The following CAMK1D variants were observed in gnomAD, a reference collection of about 807,000 sequenced individuals.
The protein encoded by CAMK1D is calcium/calmodulin dependent protein kinase ID.
A neutral mutation model predicts 47.7 loss-of-function variants in CAMK1D; 9 were observed. The ratio of observed to expected loss-of-function variants is 0.19; its 90% CI spans 0.11 to 0.33. The LOEUF (loss-of-function observed/expected upper bound fraction) is 0.33. Ranked by LOEUF, CAMK1D falls within the 10% of genes least tolerant of loss-of-function variation. The pLI is 1.00. For missense variants in CAMK1D, 291 were observed against 488.7 expected, an observed-to-expected ratio of 0.60 and a Z score of 3.81; for synonymous variants, 184 against 184.9, an observed-to-expected ratio of 0.99 and a Z score of 0.04.
At chr10:12,543,642 C>T (rs1836270764) in intron 1 of CAMK1D, among the ~76,000 whole-genome samples, 1 of 152,176 alleles carries the variant, frequency 6.6e-6, no homozygotes, top group Non-Finnish European at 1.5e-5. Context: ...AACCAGTTCA[C>T]AAACCCTTCA....
intron 5 of CAMK1D, among the ~76,000 whole-genome samples, chr10:12,771,462 G>T (rs1048250702): frequency 6.6e-5 from 10 of 152,224 alleles, no homozygotes; most frequent in Non-Finnish European, 1.3e-4. Context: ...GGCCTTTCAG[G>T]TCCTTGCATA....
chr10:12,505,915 A>G (rs1400420127), intron 1 of CAMK1D, among the ~76,000 whole-genome samples: 1 of 152,182 alleles, frequency 6.6e-6, no homozygotes, highest in East Asian at 1.9e-4. Flanking sequence ...TCACATGTCA[A>G]TGGAAATCTA....
chr10:12,365,768 C>T (rs1837814022), intron 1 of CAMK1D, among the ~76,000 whole-genome samples: 1 of 151,518 alleles, frequency 6.6e-6, no homozygotes, highest in African/African-American at 2.4e-5. Context: ...ATGTTTCCTT[C>T]TGTGCTGGCT....
intron 2 of CAMK1D, among the ~76,000 whole-genome samples, chr10:12,663,281 C>T (rs540156637): frequency 6.6e-6 from 1 of 152,034 alleles, no homozygotes; most frequent in South Asian, 2.1e-4. Context: ...TATTTAATAC[C>T]GTATTCATGA....
In CAMK1D at chr10:12,569,643, C is replaced by T. The variant is rs991935785; in HGVS notation, c.224+16287C>T. Among the ~76,000 whole-genome samples, 6 of 133,590 alleles carry T rather than the reference C, an allele frequency of 4.5e-5. No individual in the cohort carries two copies. The East Asian group carries it at 7.0e-4, about 15-fold the overall frequency. The allele number at this position is 133,590 out of a possible 152,430, so 87.6% of individuals were successfully genotyped here. On this transcript the variant is annotated intron_variant, in intron 2 of 10. Transcript: ENST00000619168. ...CTGAGGCAGGAGAATGGCGTGAACC[C>T]GGGAGGTGGAGCTTGCAGTGAGCCG...
At chr10:12,740,779 A>G (rs904141445) in intron 3 of CAMK1D, among the ~76,000 whole-genome samples, 3 of 152,184 alleles carry the variant, frequency 2.0e-5, no homozygotes, top group South Asian at 2.1e-4. Context: ...TTTTTTTTGC[A>G]TAGGACAACA....
intron 3 of CAMK1D, among the ~76,000 whole-genome samples, chr10:12,720,583 C>T (rs1337556913): frequency 6.6e-6 from 1 of 152,226 alleles, no homozygotes; most frequent in Non-Finnish European, 1.5e-5. Flanking sequence ...ATTCTCTAAT[C>T]TTAGCTAAGC....
chr10:12,621,381 T>C (rs1838992034), intron 2 of CAMK1D, among the ~76,000 whole-genome samples: 1 of 152,214 alleles, frequency 6.6e-6, no homozygotes, highest in Admixed American at 6.5e-5. Flanking sequence ...TTTACTATGT[T>C]GAGTCTTTGA....
intron 3 of CAMK1D, among the ~76,000 whole-genome samples, chr10:12,751,661 C>G (rs1835992331): frequency 6.6e-6 from 1 of 152,190 alleles, no homozygotes; most frequent in South Asian, 2.1e-4. Flanking sequence ...GGGGTCTCAT[C>G]TGGTCTAGGG....
At chr10:12,590,869 A>G (rs914164162) in intron 2 of CAMK1D, among the ~76,000 whole-genome samples, 3 of 152,344 alleles carry the variant, frequency 2.0e-5, no homozygotes, top group East Asian at 3.9e-4. Flanking sequence ...CTGGTGACAC[A>G]TGAACCAGCC....
intron 2 of CAMK1D, among the ~76,000 whole-genome samples, chr10:12,561,044 G>T (rs1279229953): frequency 6.6e-6 from 1 of 151,908 alleles, no homozygotes; most frequent in East Asian, 1.9e-4. Flanking sequence ...CTCCCGAGTA[G>T]CTGGGACTAC....
At chr10:12,643,612 G>A (rs116652667) in intron 2 of CAMK1D, among the ~76,000 whole-genome samples, 5 of 152,064 alleles carry the variant, frequency 3.3e-5, no homozygotes, top group East Asian at 1.9e-4. Flanking sequence ...GGCTAGGTGC[G>A]GTGGCTCACG....
chr10:12,463,395 C>T (rs185519766), intron 1 of CAMK1D, among the ~76,000 whole-genome samples: 310 of 152,282 alleles, frequency 2.0e-3, no homozygotes, highest in Admixed American at 6.7e-3. Context: ...ACCTCAGCCT[C>T]CCAAAGTGTT....
chr10:12,454,538 A>G (rs553828221), intron 1 of CAMK1D, among the ~76,000 whole-genome samples: 1 of 143,540 alleles, frequency 7.0e-6, no homozygotes, highest in African/African-American at 2.6e-5. Context: ...GCATAGCTCA[A>G]TGCAGCCTCA....
chr10:12,419,105 C>T (rs1839955940), intron 1 of CAMK1D, among the ~76,000 whole-genome samples: 1 of 152,190 alleles, frequency 6.6e-6, no homozygotes, highest in Non-Finnish European at 1.5e-5. Context: ...CAAACTTCAT[C>T]ATCTCAAATG....
chr10:12,677,528 C>G (rs1264787140), intron 3 of CAMK1D, among the ~76,000 whole-genome samples: 2 of 152,042 alleles, frequency 1.3e-5, no homozygotes, highest in South Asian at 2.1e-4. Flanking sequence ...AGGTTGCTTT[C>G]GTGAGGACAG....
intron 1 of CAMK1D, among the ~76,000 whole-genome samples, chr10:12,493,150 G>A (rs1834437847): frequency 6.6e-6 from 1 of 152,178 alleles, no homozygotes; most frequent in Admixed American, 6.5e-5. Flanking sequence ...AACCCTCTGC[G>A]GTCACCAGTC....
chr10:12,727,499 A>G (rs1834698159), intron 3 of CAMK1D, among the ~76,000 whole-genome samples: 1 of 152,214 alleles, frequency 6.6e-6, no homozygotes, highest in Non-Finnish European at 1.5e-5. Flanking sequence ...TGTTTTATGG[A>G]ACAAGCACCA....
chr10:12,370,931 T>C (rs1044716632), intron 1 of CAMK1D, among the ~76,000 whole-genome samples: 12 of 152,028 alleles, frequency 7.9e-5, no homozygotes, highest in African/African-American at 2.9e-4. Flanking sequence ...TTTAACAAAA[T>C]TAAAAAGTTA....
Sources: gnomAD v4.1 joint callset for allele counts (sites outside exome capture counted in the v4.1 genomes callset) on GRCh38, gnomAD v4.1.1 for gene constraint, MANE v1.5 for transcripts, NCBI Gene and HGNC (gene_info 2026-07-23, HGNC 2026-07-21) for gene names.